Variants in CDH4 observed in about 807,000 individuals in gnomAD.
The protein encoded by CDH4 is cadherin 4, also known as cadherin-4.
Under a neutral mutation model 86.0 loss-of-function variants are expected in CDH4, and 33 were observed. The ratio of observed to expected loss-of-function variants is 0.38; its 90% confidence interval spans 0.29 to 0.51. The LOEUF is 0.51. CDH4 is among the 20% of genes least tolerant of loss of function. The pLI is 0.86. For synonymous variants in CDH4, 555 were observed against 549.4 expected (o/e 1.01, Z -0.14); for missense variants, 1,114 against 1,307.4 (o/e 0.85, Z 2.28).
intron 2 of CDH4, among the ~76,000 whole-genome samples, chr20:61,661,084 C>CGG (rs56367674): frequency 0.021 from 1,594 of 74,410 alleles, 74 homozygotes; most frequent in African/African-American, 0.033. Flanking sequence ...GGAGGCATGG[C>CGG]GGGGGGGGGG....
intron 2 of CDH4, among the ~76,000 whole-genome samples, chr20:61,503,033 C>A (rs1284971789): frequency 2.6e-5 from 4 of 152,058 alleles, no homozygotes; most frequent in Non-Finnish European, 5.9e-5. Flanking sequence ...CCAGGGAGAA[C>A]CTAGAATACC....
chr20:61,844,145 C>T (rs1024306448), intron 4 of CDH4, among the ~76,000 whole-genome samples: 2 of 152,210 alleles, frequency 1.3e-5, no homozygotes, highest in Admixed American at 1.3e-4. Flanking sequence ...CTCAGAGTTT[C>T]GTGTCTGCCT....
chr20:61,914,082 C>G (rs569113385), intron 9 of CDH4, among the ~76,000 whole-genome samples: 20 of 152,190 alleles, frequency 1.3e-4, no homozygotes, highest in Non-Finnish European at 2.9e-4. Flanking sequence ...ATCTCCCCAC[C>G]ACCTGTGCCT....
chr20:61,323,048 C>A (rs1421559124), intron 2 of CDH4, among the ~76,000 whole-genome samples: 2 of 152,312 alleles, frequency 1.3e-5, no homozygotes, highest in East Asian at 1.9e-4. Flanking sequence ...AGGGCCTGAG[C>A]TTATCTGCCC....
intron 2 of CDH4, among the ~76,000 whole-genome samples, chr20:61,272,893 G>A (rs1232501829): frequency 2.1e-5 from 3 of 145,948 alleles, no homozygotes; most frequent in Non-Finnish European, 4.5e-5. Flanking sequence ...AGAGTACCGT[G>A]TGCAGTTTGG....
Position 61,393,708 on chromosome 20 carries a change from G to A in CDH4, c.169+138771G>A, listed in dbSNP as rs2084999527. Among the ~76,000 whole-genome samples the A allele has an allele frequency of 6.6e-6, 1 of 152,092 alleles. No individual in the cohort carries two copies. Among genetic ancestry groups the A allele is most frequent in the Non-Finnish European group, 1.5e-5 (1 of 68,014 alleles). On this transcript the variant is annotated intron_variant, in intron 2 of 15. Transcript: ENST00000614565. The surrounding 1 kb of genome is among the most constrained non-coding windows in gnomAD (Gnocchi z 4.3). ...AGTCACTGCAGCCCCTCACGCCTCT[G>A]TTGTGTCAGGACAAGATATGTAGCT... is the stretch of plus-strand genomic sequence containing the variant.
chr20:61,797,860 A>G (rs1568821631), intron 4 of CDH4, among the ~76,000 whole-genome samples: 1 of 152,198 alleles, frequency 6.6e-6, no homozygotes, highest in Admixed American at 6.5e-5. Context: ...CCAGGCGGAG[A>G]GATCGGCATC....
intron 2 of CDH4, among the ~76,000 whole-genome samples, chr20:61,651,651 C>G (rs540522047): frequency 1.1e-4 from 16 of 152,336 alleles, no homozygotes; most frequent in African/African-American, 3.6e-4. Flanking sequence ...CGGGGGCCAT[C>G]TGGTCAGCAT....
At chr20:61,352,695 G>C (rs1416163971) in intron 2 of CDH4, among the ~76,000 whole-genome samples, 1 of 152,144 alleles carries the variant, frequency 6.6e-6, no homozygotes, top group African/African-American at 2.4e-5. Context: ...TGTTCTCTAG[G>C]GGGCCTGGCT....
Position 61,254,134 on chromosome 20 carries a change from C to T in CDH4, c.58-692C>T, listed in dbSNP as rs899054143. The stretch of plus-strand genomic sequence containing the variant: ...GAGCTCCGGAGGACAGGAGGAGACC[C>T]CCTTTCCGGTCAGTTAGGGGAGCCG... On this transcript the variant is annotated intron_variant, in intron 1 of 15. Coordinates refer to ENST00000614565, the MANE Select transcript of CDH4 (RefSeq NM_001794.5). Among the ~76,000 whole-genome samples, 8 of 152,234 alleles carry T rather than the reference C, an allele frequency of 5.3e-5. No individual in the cohort carries two copies. The South Asian group carries it at 1.7e-3, about 32-fold the overall frequency.
chr20:61,347,333 A>G (rs974120837), intron 2 of CDH4, among the ~76,000 whole-genome samples: 2 of 152,114 alleles, frequency 1.3e-5, no homozygotes, highest in Non-Finnish European at 2.9e-5. Flanking sequence ...AGAAATATAC[A>G]CCTAGATTAG....
intron 2 of CDH4, among the ~76,000 whole-genome samples, chr20:61,613,596 GAAA>G (rs5842359): frequency 8.2e-5 from 11 of 134,190 alleles, no homozygotes; most frequent in Non-Finnish European, 1.1e-4. Flanking sequence ...GGCTTCAAAA[GAAA>G]AAAAAAAAAA....
chr20:61,630,199 C>T (rs1467403267), intron 2 of CDH4, among the ~76,000 whole-genome samples: 1 of 152,238 alleles, frequency 6.6e-6, no homozygotes, highest in Non-Finnish European at 1.5e-5. Context: ...AGGCGTCTGC[C>T]AGCTGCCAGT....
At chr20:61,581,856 C>T (rs2086431382) in intron 2 of CDH4, among the ~76,000 whole-genome samples, 1 of 152,190 alleles carries the variant, frequency 6.6e-6, no homozygotes, top group South Asian at 2.1e-4. Flanking sequence ...GAGGTGGAAT[C>T]GGGAATGTGG....
intron 2 of CDH4, among the ~76,000 whole-genome samples, chr20:61,482,548 T>G (rs189990576): frequency 6.6e-6 from 1 of 152,262 alleles, no homozygotes; most frequent in Admixed American, 6.5e-5. Flanking sequence ...TGAGACCTAG[T>G]TCTGTTCATG....
rs534458503 is a variant in CDH4, at chr20:61,333,905, C to T, written c.169+78968C>T. ...CAATGGCTGCATACAGGCTGCAGACCAGGGGCACCATGAGGTGACTGGGTG... is the reference window on the plus strand; with the variant it reads ...CAATGGCTGCATACAGGCTGCAGACTAGGGGCACCATGAGGTGACTGGGTG... On this transcript the variant is annotated intron_variant, in intron 2 of 15. Transcript: ENST00000614565. Among the ~76,000 whole-genome samples the T allele has an allele frequency of 7.2e-5, 11 of 152,320 alleles. No homozygotes were observed. The South Asian group carries it at 1.5e-3, about 20-fold the overall frequency.
intron 6 of CDH4, among the ~76,000 whole-genome samples, chr20:61,857,729 AAGAC>A (rs1983083375): frequency 1.3e-5 from 2 of 152,280 alleles, no homozygotes; most frequent in Non-Finnish European, 2.9e-5. Flanking sequence ...TGTAGGAAAT[AAGAC>A]AGACAGATCC....
intron 2 of CDH4, among the ~76,000 whole-genome samples, chr20:61,613,798 A>G (rs2086704201): frequency 6.6e-6 from 1 of 151,690 alleles, no homozygotes; most frequent in Admixed American, 6.6e-5. Context: ...CATCGACTCT[A>G]CAGACTTCTT....
intron 2 of CDH4, among the ~76,000 whole-genome samples, chr20:61,550,152 G>GCCTCCCTGC (rs1279353005): frequency 1.4e-5 from 2 of 144,352 alleles, no homozygotes; most frequent in African/African-American, 5.2e-5. Context: ...TACCTCCATG[G>GCCTCCCTGC]CCTCCCTGCC....
Sources: allele counts gnomAD v4.1 joint callset (sites outside exome capture counted in the v4.1 genomes callset), GRCh38; gene constraint gnomAD v4.1.1; non-coding constraint Gnocchi (gnomAD v3.1); transcripts MANE v1.5; gene names NCBI Gene and HGNC (gene_info 2026-07-23, HGNC 2026-07-21).